Variants in SERF2 observed in about 807,000 individuals in gnomAD.
SERF2 encodes gastric cancer-related protein VRG107.
In SERF2, 4 loss-of-function variants were observed where a neutral mutation model predicts 10.7. The ratio of observed to expected loss-of-function variants is 0.37; its 90% CI spans 0.18 to 0.86. The LOEUF is 0.86. SERF2 is among the 40% of genes least tolerant of loss of function. The pLI is 0.43. For missense variants in SERF2, 47 were observed against 79.1 expected (o/e 0.59, Z 1.54); for synonymous variants, 26 against 26.0 (o/e 1.00, Z 0.01).
intron 1 of SERF2, among the ~76,000 whole-genome samples, chr15:43,779,779 C>A (rs2086950713): frequency 6.6e-6 from 1 of 152,112 alleles, no homozygotes; most frequent in Admixed American, 6.6e-5. Context: ...AGGCATGAGT[C>A]TCCATGCTCA....
Position 43,795,302 on chromosome 15 carries a change from C to CATGTCTGGA in SERF2, c.*1533_*1534insCTGGAATGT. ...TCCTCACCAAATATAATGGCAGACC[C>CATGTCTGGA]ATGTGTGTCTGGAATGGCCTTGAAT... On this transcript the variant is annotated 3_prime_UTR_variant, in exon 3 of 3. Transcript: ENST00000249786. 1.9e-6 allele frequency: 3 copies of CATGTCTGGA among 1,590,384 alleles called. No homozygotes were observed. The highest frequency in any genetic ancestry group is 2.6e-6 in the Non-Finnish European group (3 of 1,159,332).
chr15:43,790,974 T>C (rs942566466), upstream of SERF2, among the ~76,000 whole-genome samples: 2 of 150,518 alleles, frequency 1.3e-5, no homozygotes, highest in African/African-American at 4.9e-5. Context: ...TTTACCGTGT[T>C]AGCCAGGATG....
Position 43,795,850 on chromosome 15 carries a change from G to T in SERF2, c.*2077G>T. The T allele has an allele frequency of 9.4e-7, 1 of 1,069,370 alleles. No homozygotes were observed. 66.2% of individuals were successfully genotyped at this position (1,069,370 alleles called of 1,614,324 possible). On this transcript the variant is annotated 3_prime_UTR_variant, in exon 3 of 3. Transcript: ENST00000249786. ...GTATTAAAAAGTGGAGGCACACCTG[G>T]GTTCAAATTCTAGCTCCAGCATATA... is the stretch of plus-strand genomic sequence containing the variant.
exon 1 of SERF2, chr15:43,777,206 G>A: frequency 1.8e-6 from 1 of 570,170 alleles, no homozygotes; most frequent in Non-Finnish European, 3.4e-6. Context: ...CGCGACCAGC[G>A]TCTGACCTCT....
chr15:43,778,275 A>G (rs1191816366), intron 1 of SERF2, among the ~76,000 whole-genome samples: 4 of 151,992 alleles, frequency 2.6e-5, no homozygotes, highest in Non-Finnish European at 5.9e-5. Context: ...TACACATAAA[A>G]TTTGTATGTA....
rs540025508 is a variant in SERF2 at position 43,780,850 on chromosome 15, C to T, written c.-527+3348C>T. Among the ~76,000 whole-genome samples the T allele has an allele frequency of 5.7e-4, 86 of 152,130 alleles. 1 individual carries two copies. Among genetic ancestry groups the T allele is most frequent in the Non-Finnish European group, 9.8e-4 (67 of 68,036 alleles). On this transcript the variant is annotated intron_variant, in intron 1 of 4. Transcript: ENST00000381359. ...ATAACTTTTGCAGTTTGAGGTGCAA[C>T]AGCAAAACTGGCATGAGTTTTTCTC...
chr15:43,795,067 T>TG lies in SERF2; in HGVS notation c.*1298dup, dbSNP rs755434251. 1.3e-6 allele frequency: 2 copies of TG among 1,579,826 alleles called. No individual in the cohort carries two copies. The highest frequency in any genetic ancestry group is 1.7e-6 in the Non-Finnish European group (2 of 1,151,320). The stretch of plus-strand genomic sequence containing the variant: ...GCGGCGGCGCCTCAAGATAAGGGGC[T>TG]GGGGTTTCTGGGTGGGGGGCCAACA... On this transcript the variant is annotated 3_prime_UTR_variant, in exon 3 of 3. Transcript: ENST00000249786.
intron 1 of SERF2, among the ~76,000 whole-genome samples, chr15:43,782,651 T>G (rs2086973367): frequency 6.6e-6 from 1 of 152,182 alleles, no homozygotes; most frequent in South Asian, 2.1e-4. Flanking sequence ...CTCCCTTCTA[T>G]CTCAGCTGGA....
At chr15:43,792,263 A>G, upstream of SERF2, 3 of 942,302 alleles carry the variant, frequency 3.2e-6, no homozygotes, top group Non-Finnish European at 5.2e-6. Context: ...CCCGGGCGCG[A>G]AGGGGCGGGG....
In SERF2 at chr15:43,793,962, C is replaced by G. The variant is rs753655469; in HGVS notation, c.*189C>G. On this transcript the variant is annotated 3_prime_UTR_variant, in exon 3 of 3. Transcript: ENST00000249786. ...GTAGCCTCTCTCCCCCTGGGCCACT[C>G]CCGGGGGTGAGGGGGTTACCCCTTC... 1 of 1,542,392 alleles carries G rather than the reference C, an allele frequency of 6.5e-7. No individual in the cohort carries two copies. The highest frequency in any genetic ancestry group is 8.7e-7 in the Non-Finnish European group (1 of 1,143,114).
chr15:43,792,652 CCCA>C, intron 1 of SERF2: 1 of 1,374,524 alleles, frequency 7.3e-7, no homozygotes, highest in African/African-American at 1.5e-5. Context: ...GCCCAGAGCC[CCCA>C]CTCCACAAGC....
intron 1 of SERF2, among the ~76,000 whole-genome samples, chr15:43,780,192 T>C (rs1409006673): frequency 6.6e-6 from 1 of 152,136 alleles, no homozygotes; most frequent in African/African-American, 2.4e-5. Flanking sequence ...CAGGCTGGAG[T>C]GCAATGGTGC....
At chr15:43,790,384 C>T (rs1284207529), upstream of SERF2, among the ~76,000 whole-genome samples, 1 of 151,854 alleles carries the variant, frequency 6.6e-6, no homozygotes, top group Non-Finnish European at 1.5e-5. Flanking sequence ...GAGAGGCAGA[C>T]AGGGAGAGGG....
rs750804762 is a variant in SERF2, at chr15:43,795,398, T to A, written c.*1625T>A. On this transcript the variant is annotated 3_prime_UTR_variant, in exon 3 of 3. Coordinates refer to ENST00000249786, the MANE Select transcript of SERF2 (RefSeq NM_001018108.4). ...CCCACTCCATCTTACCTGAACCAGT[T>A]GGTAAGGGTAACCATGACATAGAGT... 1.2e-6 allele frequency: 2 copies of A among 1,614,026 alleles called. No individual in the cohort carries two copies. The highest frequency in any genetic ancestry group is 2.2e-5 in the South Asian group (2 of 91,086).
intron 1 of SERF2, chr15:43,792,686 C>A (rs2087092490): frequency 1.7e-6 from 2 of 1,201,304 alleles, no homozygotes; most frequent in Admixed American, 2.9e-5. Context: ...CCCACGGAGA[C>A]CCAAACCGTC....
upstream of SERF2, chr15:43,792,052 G>T: frequency 2.0e-6 from 1 of 493,676 alleles, no homozygotes; most frequent in Non-Finnish European, 3.7e-6. Flanking sequence ...CCGCGGGAGC[G>T]CCACATCGCC....
chr15:43,792,454 G>A (rs1187554660), intron 1 of SERF2, 71 bp downstream of exon 1: 6 of 1,612,656 alleles, frequency 3.7e-6, no homozygotes, highest in Non-Finnish European at 5.1e-6. Context: ...CGAGGCGCCG[G>A]CTTTGACCTT....
At position 43,795,471 on chromosome 15, in the gene SERF2, A is replaced by G; in HGVS notation, c.*1698A>G. On this transcript the variant is annotated 3_prime_UTR_variant, in exon 3 of 3. Coordinates refer to ENST00000249786, the MANE Select transcript of SERF2 (RefSeq NM_001018108.4). ...GGAAGGCAGAATAGTTGTAGGAAAG[A>G]TGCTGGACTTGGACTGGAGGAGCTG... 6.2e-7 allele frequency: 1 copy of G among 1,614,244 alleles called. No individual in the cohort carries two copies. Among genetic ancestry groups the G allele is most frequent in the Middle Eastern group, 1.6e-4 (1 of 6,062 alleles).
chr15:43,780,857 A>G (rs1261602888), intron 1 of SERF2, among the ~76,000 whole-genome samples: 1 of 152,142 alleles, frequency 6.6e-6, no homozygotes, highest in Non-Finnish European at 1.5e-5. Context: ...CAACAGCAAA[A>G]CTGGCATGAG....
Sources: gnomAD v4.1 joint callset for allele counts (sites outside exome capture counted in the v4.1 genomes callset) on GRCh38, gnomAD v4.1.1 for gene constraint, MANE v1.5 for transcripts, NCBI Gene and HGNC (gene_info 2026-07-23, HGNC 2026-07-21) for gene names.